SGMS1: variants seen among roughly 807,000 people sequenced by gnomAD.
SGMS1 encodes phosphatidylcholine:ceramide cholinephosphotransferase 1.
Under a neutral mutation model 46.2 loss-of-function variants are expected in SGMS1, and 13 were observed. The observed-to-expected ratio is 0.28, with a 90% CI of 0.18 to 0.45. The LOEUF is 0.45. SGMS1 is among the 20% of genes least tolerant of loss of function. SGMS1 has a pLI of 1.00. For synonymous variants in SGMS1, 203 were observed against 187.8 expected, an observed-to-expected ratio of 1.08 and a Z score of -0.66; for missense variants, 324 against 519.9, an observed-to-expected ratio of 0.62 and a Z score of 3.66.
In SGMS1 at chr10:50,385,977, G is replaced by A. The variant is rs147312065; in HGVS notation, c.-231-41632C>T. On this transcript the variant is annotated intron_variant, in intron 6 of 10. Transcript: ENST00000361781. The stretch of plus-strand genomic sequence containing the variant: ...TAGACCCTCTTGTGGGGCTTTTTAG[G>A]CTATGACATAGGACATCAAAAATTT... 1.6e-4 allele frequency among the ~76,000 whole-genome samples: 25 copies of A among 152,086 alleles called. No homozygotes were observed. In the East Asian group the frequency reaches 4.6e-3, roughly 28 times the overall value.
intron 9 of SGMS1, 42 bp from the exon 10 acceptor site, chr10:50,308,190 G>A (rs1484121391): frequency 1.9e-6 from 3 of 1,570,056 alleles, no homozygotes; most frequent in Admixed American, 1.8e-5. Context: ...TTATTCAAAT[G>A]ACATTAAGGG....
At chr10:50,382,568 T>TACACACACAC (rs57835243) in intron 6 of SGMS1, among the ~76,000 whole-genome samples, 11,049 of 142,616 alleles carry the variant, frequency 0.077, 951 homozygotes, top group East Asian at 0.32. Flanking sequence ...AACACACACA[T>TACACACACAC]ACACACACAC....
intron 6 of SGMS1, among the ~76,000 whole-genome samples, chr10:50,422,040 C>G: frequency 6.6e-6 from 1 of 152,170 alleles, no homozygotes; most frequent in South Asian, 2.1e-4. Flanking sequence ...TCTCCTAGAA[C>G]TTTTGTCACT....
chr10:50,316,666 T>C (rs535680119), intron 8 of SGMS1, among the ~76,000 whole-genome samples: 1 of 152,306 alleles, frequency 6.6e-6, no homozygotes, highest in South Asian at 2.1e-4. Flanking sequence ...AAGAGCAGTC[T>C]TCCTCCAGAA....
intron 3 of SGMS1, among the ~76,000 whole-genome samples, chr10:50,494,765 G>T (rs1007418746): frequency 4.6e-5 from 7 of 152,034 alleles, no homozygotes; most frequent in African/African-American, 1.7e-4. Flanking sequence ...GGCCGGGCGC[G>T]GTGGCTCACA....
In SGMS1 at chr10:50,343,799, C is replaced by A; in HGVS notation, c.316G>T (p.Gly106Trp). 1 of 1,614,120 alleles carries A rather than the reference C, an allele frequency of 6.2e-7. No homozygotes were observed. ...GSFSIKIKPNGMPNGYRKEMI... is the reference protein window; with the variant it reads ...GSFSIKIKPNWMPNGYRKEMI... ...TCTTTCCTATACCCATTTGGCATCCCGTTGGGTTTAATCTTGATGCTGAAG... is the reference window on the plus strand; with the variant it reads ...TCTTTCCTATACCCATTTGGCATCCAGTTGGGTTTAATCTTGATGCTGAAG... The change falls in exon 7 of 11, where the codon GGG (glycine) becomes TGG (tryptophan). Residue 106 changes from glycine to tryptophan, a missense_variant. Physicochemically the swap from Gly to Trp is radical, Grantham distance 184 (BLOSUM62 -2). Transcript: ENST00000361781.
intron 5 of SGMS1, among the ~76,000 whole-genome samples, chr10:50,446,800 G>T (rs1424752334): frequency 6.6e-6 from 1 of 151,976 alleles, no homozygotes; most frequent in African/African-American, 2.4e-5. Flanking sequence ...TAGAGATGTT[G>T]GTTCACTATT....
At chr10:50,548,773 C>T (rs1222792059) in intron 2 of SGMS1, among the ~76,000 whole-genome samples, 1 of 152,066 alleles carries the variant, frequency 6.6e-6, no homozygotes, top group East Asian at 1.9e-4. Context: ...GAACAGACAA[C>T]CTACAGAATG....
chr10:50,362,817 T>C (rs765052407), intron 6 of SGMS1, among the ~76,000 whole-genome samples: 3 of 152,138 alleles, frequency 2.0e-5, no homozygotes, highest in East Asian at 1.9e-4. Flanking sequence ...TTCTTAAAGA[T>C]AGATGTGTTT....
intron 3 of SGMS1, among the ~76,000 whole-genome samples, chr10:50,499,217 T>A (rs1837640846): frequency 6.6e-6 from 1 of 152,228 alleles, no homozygotes; most frequent in African/African-American, 2.4e-5. Flanking sequence ...TATTCAAATA[T>A]GAAACAGCTA....
At chr10:50,495,970 G>A (rs1020058289) in intron 3 of SGMS1, among the ~76,000 whole-genome samples, 7 of 152,220 alleles carry the variant, frequency 4.6e-5, no homozygotes, top group East Asian at 3.9e-4. Flanking sequence ...TCATGTGCAC[G>A]TATTTCCTTT....
At chr10:50,463,611 G>A (rs891763270) in intron 4 of SGMS1, among the ~76,000 whole-genome samples, 4 of 152,202 alleles carry the variant, frequency 2.6e-5, no homozygotes, top group African/African-American at 9.7e-5. Flanking sequence ...ATGGAATAAA[G>A]TCTGGCAGTT....
intron 3 of SGMS1, among the ~76,000 whole-genome samples, chr10:50,470,408 A>G (rs1026222389): frequency 1.4e-4 from 21 of 152,098 alleles, no homozygotes; most frequent in African/African-American, 3.4e-4. Context: ...TTCAATAAAC[A>G]GAGTTTAACT....
chr10:50,508,620 T>A (rs1837726983), intron 3 of SGMS1, among the ~76,000 whole-genome samples: 1 of 151,968 alleles, frequency 6.6e-6, no homozygotes, highest in Non-Finnish European at 1.5e-5. Context: ...AACAGCGGAG[T>A]TTGTTTGACT....
intron 3 of SGMS1, among the ~76,000 whole-genome samples, chr10:50,515,402 G>A (rs1186801887): frequency 6.6e-6 from 1 of 152,166 alleles, no homozygotes; most frequent in Non-Finnish European, 1.5e-5. Context: ...ACAGCACTCA[G>A]GTGAATTCTG....
intron 2 of SGMS1, among the ~76,000 whole-genome samples, chr10:50,558,517 T>C (rs1273689339): frequency 6.6e-6 from 1 of 152,210 alleles, no homozygotes; most frequent in African/African-American, 2.4e-5. Flanking sequence ...CATCCTTTCC[T>C]GATTAATGGC....
At chr10:50,593,098 A>G (rs1838558028) in intron 1 of SGMS1, among the ~76,000 whole-genome samples, 1 of 152,214 alleles carries the variant, frequency 6.6e-6, no homozygotes, top group Non-Finnish European at 1.5e-5. Flanking sequence ...TTCTGATATG[A>G]GGACACGCTC....
At chr10:50,440,049 C>T (rs1849521738) in intron 5 of SGMS1, among the ~76,000 whole-genome samples, 1 of 152,150 alleles carries the variant, frequency 6.6e-6, no homozygotes, top group Non-Finnish European at 1.5e-5. Context: ...AATGCAGCAA[C>T]AAAGATTTCT....
chr10:50,600,768 T>C (rs1588889139), intron 1 of SGMS1, among the ~76,000 whole-genome samples: 1 of 152,330 alleles, frequency 6.6e-6, no homozygotes, highest in East Asian at 1.9e-4. Flanking sequence ...TGCTGGACAC[T>C]AAGAACACGT....
Sources: allele counts gnomAD v4.1 joint callset (sites outside exome capture counted in the v4.1 genomes callset), GRCh38; gene constraint gnomAD v4.1.1; transcripts MANE v1.5; gene names NCBI Gene and HGNC (gene_info 2026-07-23, HGNC 2026-07-21).